HIVEP3: variants seen among roughly 807,000 people sequenced by gnomAD.
HIVEP3 encodes the protein transcription factor HIVEP3.
In HIVEP3, 49 loss-of-function variants were observed where a neutral mutation model predicts 152.8. That is an observed-to-expected ratio of 0.32 (90% confidence interval 0.26 to 0.41). The LOEUF is 0.41. HIVEP3 is among the 10% of genes least tolerant of loss of function. The probability of loss-of-function intolerance (pLI) is 1.00; values close to 1 mark genes in which losing one functional copy is unlikely to be tolerated. For missense variants in HIVEP3, 2,790 were observed against 3,103.3 expected, an observed-to-expected ratio of 0.90 and a Z score of 2.40; for synonymous variants, 1,269 against 1,289.0, an observed-to-expected ratio of 0.98 and a Z score of 0.33.
chr1:41,645,530 C>T (rs938540820), intron 2 of HIVEP3, among the ~76,000 whole-genome samples: 11 of 152,208 alleles, frequency 7.2e-5, no homozygotes, highest in Admixed American at 1.3e-4. Flanking sequence ...GCACAGCCTG[C>T]ACAACCATTC....
At chr1:41,813,027 AT>A (rs1351722272) in intron 1 of HIVEP3, among the ~76,000 whole-genome samples, 2 of 152,044 alleles carry the variant, frequency 1.3e-5, no homozygotes, top group African/African-American at 4.8e-5. Context: ...ACTTCATTTC[AT>A]TTTATCTATT....
At chr1:41,654,635 C>T (rs765575227) in intron 2 of HIVEP3, among the ~76,000 whole-genome samples, 1 of 152,200 alleles carries the variant, frequency 6.6e-6, no homozygotes, top group Non-Finnish European at 1.5e-5. Flanking sequence ...GTAACTATTT[C>T]ACCAGTTTTT....
chr1:41,972,369 C>T (rs1645234789), intron 1 of HIVEP3, among the ~76,000 whole-genome samples: 2 of 152,184 alleles, frequency 1.3e-5, no homozygotes, highest in South Asian at 4.1e-4. Flanking sequence ...TAGGAGCCAA[C>T]TGGGCCTATA....
At chr1:41,800,229 A>C (rs1650225187) in intron 1 of HIVEP3, among the ~76,000 whole-genome samples, 1 of 152,202 alleles carries the variant, frequency 6.6e-6, no homozygotes, top group Non-Finnish European at 1.5e-5. Context: ...TCAGGGGTGG[A>C]GTCTATTTCT....
chr1:41,866,996 T>G (rs967851839), intron 1 of HIVEP3, among the ~76,000 whole-genome samples: 1 of 152,228 alleles, frequency 6.6e-6, no homozygotes, highest in Non-Finnish European at 1.5e-5. Context: ...CAGACATCTT[T>G]AAAGCTTGCA....
chr1:41,648,541 G>A (rs182922091), intron 2 of HIVEP3, among the ~76,000 whole-genome samples: 79 of 152,356 alleles, frequency 5.2e-4, no homozygotes, highest in Non-Finnish European at 7.6e-4. Flanking sequence ...AATGCTAAAC[G>A]AAATGTGTCC....
At chr1:41,883,775 C>T (rs1470600416) in intron 1 of HIVEP3, among the ~76,000 whole-genome samples, 1 of 152,152 alleles carries the variant, frequency 6.6e-6, no homozygotes, top group Non-Finnish European at 1.5e-5. Flanking sequence ...CCAGCTTCTC[C>T]CTGCCTGTCG....
chr1:41,774,377 G>C (rs920888967), intron 1 of HIVEP3, among the ~76,000 whole-genome samples: 3 of 152,200 alleles, frequency 2.0e-5, no homozygotes, highest in Non-Finnish European at 4.4e-5. Context: ...AAGAAAGAAT[G>C]CTTTGAAAAT....
intron 1 of HIVEP3, among the ~76,000 whole-genome samples, chr1:41,745,472 T>C (rs1204734734): frequency 6.6e-6 from 1 of 152,232 alleles, no homozygotes; most frequent in African/African-American, 2.4e-5. Context: ...TATTCAATTA[T>C]TCACCTGAAA....
At chr1:41,575,787 A>C in intron 4 of HIVEP3, 98 bp from the exon 5 acceptor site, 1 of 1,287,872 alleles carries the variant, frequency 7.8e-7, no homozygotes, top group Non-Finnish European at 1.1e-6. Context: ...AGTACTGCAC[A>C]AGTACACATA....
At chr1:41,768,441 T>C (rs1052646664) in intron 1 of HIVEP3, among the ~76,000 whole-genome samples, 4 of 152,184 alleles carry the variant, frequency 2.6e-5, no homozygotes, top group African/African-American at 9.7e-5. Flanking sequence ...CAAGATGATA[T>C]TTGGGTGGGG....
At chr1:41,575,757 CTAA>C in intron 4 of HIVEP3, 68 bp from the exon 5 acceptor site, 1 of 1,535,594 alleles carries the variant, frequency 6.5e-7, no homozygotes, top group Non-Finnish European at 9.0e-7. Flanking sequence ...GAATGCAATG[CTAA>C]TAATCATGCC....
At chr1:41,628,691 C>T in intron 3 of HIVEP3, 58 bp downstream of exon 3, 1 of 1,172,534 alleles carries the variant, frequency 8.5e-7, no homozygotes, top group Non-Finnish European at 1.1e-6. Flanking sequence ...CAAGCTCATG[C>T]AAGACAGACC....
Position 41,583,714 on chromosome 1 carries a change from G to C in HIVEP3, c.1084C>G (p.Gln362Glu), listed in dbSNP as rs761027415. ...HKPEDTHTIK[Q>E]KLALRLSERK... ...TCGCTTAAGCGGAGGGCCAGCTTCT[G>C]CTTAATCGTGTGGGTGTCTTCAGGT... The change falls in exon 4 of 9, where the codon CAG becomes GAG. Residue 362 changes from glutamine (Q) to glutamate (E), a missense_variant. Physicochemically the swap from Gln to Glu is conservative, Grantham distance 29. This residue lies in a region of HIVEP3 where 134 missense variants were observed against 242.5 expected (regional missense o/e 0.55). Transcript: ENST00000372583. This position sits in a 1 kb window ranked among gnomAD's most constrained non-coding sequence, Gnocchi z 6.9. 1.7e-5 allele frequency: 27 copies of C among 1,610,084 alleles called. No homozygotes were observed.
rs556770366 is a variant in HIVEP3 at position 41,690,323 on chromosome 1, G to A, written c.-721+10593C>T. Among the ~76,000 whole-genome samples the A allele has an allele frequency of 2.7e-4, 41 of 152,354 alleles. No individual in the cohort carries two copies. In the South Asian group the frequency reaches 4.8e-3, roughly 18 times the overall value. On this transcript the variant is annotated intron_variant, in intron 2 of 8. Transcript: ENST00000372583. The stretch of plus-strand genomic sequence containing the variant: ...GAAACATGGCTGGCTCAAGGGGCAG[G>A]GGATGGCTGGGTGTGGCAGGGGCAC...
At chr1:41,838,380 G>C (rs2124365813) in intron 1 of HIVEP3, among the ~76,000 whole-genome samples, 1 of 152,102 alleles carries the variant, frequency 6.6e-6, no homozygotes, top group East Asian at 1.9e-4. Context: ...AAAGCTGTCT[G>C]TTCCCCCTTC....
Position 41,935,198 on chromosome 1 carries a change from C to A in HIVEP3, n.120-16674G>T, listed in dbSNP as rs149937876. 2.6e-3 allele frequency among the ~76,000 whole-genome samples: 390 copies of A among 152,282 alleles called. 1 individual carries two copies. Among genetic ancestry groups the A allele is most frequent in the African/African-American group, 8.3e-3 (346 of 41,562 alleles). On this transcript the variant is annotated intron_variant and non_coding_transcript_variant, in intron 1 of 3. Transcript: ENST00000489103. ...GCTTAGCTAATAGCAAACATGTTCT[C>A]ATTTCACCTTCACAACAACTCAGTG...
At chr1:41,610,570 G>A (rs1418756347) in intron 3 of HIVEP3, among the ~76,000 whole-genome samples, 1 of 152,168 alleles carries the variant, frequency 6.6e-6, no homozygotes, top group Non-Finnish European at 1.5e-5. Flanking sequence ...CTGCAAAGCA[G>A]GCTAACAGCA....
At chr1:41,863,664 G>A (rs1259255713) in intron 1 of HIVEP3, among the ~76,000 whole-genome samples, 1 of 152,186 alleles carries the variant, frequency 6.6e-6, no homozygotes, top group Non-Finnish European at 1.5e-5. Context: ...GCATGAGTTC[G>A]TCAAAATTGA....
Sources: gnomAD v4.1 joint callset for allele counts (sites outside exome capture counted in the v4.1 genomes callset) on GRCh38, gnomAD v4.1.1 for gene constraint, gnomAD v4.1.1 regional missense constraint, Gnocchi (gnomAD v3.1) non-coding constraint, MANE v1.5 for transcripts, NCBI Gene and HGNC (gene_info 2026-07-23, HGNC 2026-07-21) for gene names.